The following PRMT1 variants were observed in gnomAD, a reference collection of about 807,000 sequenced individuals.
PRMT1 encodes the protein protein arginine methyltransferase 1.
In PRMT1, 5 loss-of-function variants were observed where a neutral mutation model predicts 47.4. The observed-to-expected ratio is 0.11, with a 90% CI of 0.06 to 0.22. The LOEUF (loss-of-function observed/expected upper bound fraction) is 0.22, where lower values mean the gene tolerates loss of function less well. Among genes scored for constraint, PRMT1 ranks in the 10% least tolerant of loss-of-function variants. The probability of loss-of-function intolerance (pLI) is 1.00; values close to 1 mark genes in which losing one functional copy is unlikely to be tolerated. For missense variants in PRMT1, 249 were observed against 518.4 expected (o/e 0.48, Z 5.05); for synonymous variants, 227 against 204.6 (o/e 1.11, Z -0.94).
rs2123009888 is a variant in PRMT1 at position 49,686,552 on chromosome 19, TGGGGTTGGGG to T, written c.911-48_911-39del. ...CATTCCGACAGAGGGAACGCAAGGG[TGGGGTTGGGG>T]GGGGCAGCAGGCCGAGGCCGGCTGA... On this transcript the variant is annotated intron_variant, in intron 9 of 10. Transcript: ENST00000454376. The T allele has an allele frequency of 8.3e-6, 4 of 484,686 alleles. No individual in the cohort carries two copies. The East Asian group carries it at 2.5e-4, about 30-fold the overall frequency. 30.0% of individuals were successfully genotyped at this position (484,686 alleles called of 1,614,324 possible).
At chr19:49,682,095 G>C (rs1300422062) in intron 4 of PRMT1, 30 bp downstream of exon 4, 2 of 1,613,596 alleles carry the variant, frequency 1.2e-6, no homozygotes, top group Non-Finnish European at 1.7e-6. Context: ...AGGCGGGGCC[G>C]GGCCTGAGGG....
At chr19:49,687,357 G>A (rs1351600568) in intron 10 of PRMT1, among the ~76,000 whole-genome samples, 1 of 152,016 alleles carries the variant, frequency 6.6e-6, no homozygotes, top group South Asian at 2.1e-4. Flanking sequence ...GCCTGGAGTC[G>A]CCGGGAGTGG....
chr19:49,682,698 C>T (rs1294114142), intron 5 of PRMT1, among the ~76,000 whole-genome samples: 1 of 151,878 alleles, frequency 6.6e-6, no homozygotes. Context: ...CTTACACCTG[C>T]TTGTCATGTC....
chr19:49,682,279 G>T lies in PRMT1; in HGVS notation c.412+20G>T, dbSNP rs201373984. The T allele has an allele frequency of 1.1e-4, 170 of 1,610,830 alleles. No homozygotes were observed. In the African/African-American group the frequency reaches 2.2e-3, roughly 21 times the overall value. On this transcript the variant is annotated intron_variant, in intron 5 of 10. Coordinates refer to ENST00000454376, the MANE Select transcript of PRMT1 (RefSeq NM_001536.6). ...ACCACGGTGAGCCCAGAAAGAGGAT[G>T]GGTTTGTGGGAGTGGAGGGGGTGAT...
At position 49,684,042 on chromosome 19, in the gene PRMT1, C is replaced by A. The variant is rs199946860; in HGVS notation, c.528C>A (p.Thr176=). The change falls in exon 6 of 11, where the codon ACC becomes ACA. Residue 176 remains threonine (T), a synonymous_variant. Coordinates refer to ENST00000454376, the MANE Select transcript of PRMT1 (RefSeq NM_001536.6). This position sits in a 1 kb window ranked among gnomAD's most constrained non-coding sequence, Gnocchi z 6.2. ...TCTTCTACGAGTCCATGCTCAACACCGTGCTCTATGCCCGGGACAAGTGGC... is the reference window on the plus strand; with the variant it reads ...TCTTCTACGAGTCCATGCTCAACACAGTGCTCTATGCCCGGGACAAGTGGC... The part of the protein sequence containing the change: ...YCLFYESMLN[T]VLYARDKWLA... 1 of 1,614,170 alleles carries A rather than the reference C, an allele frequency of 6.2e-7. No individual in the cohort carries two copies. The highest frequency in any genetic ancestry group is 8.5e-7 in the Non-Finnish European group (1 of 1,180,022).
At position 49,688,118 on chromosome 19, in the gene PRMT1, A is replaced by G. The variant is rs762176634; in HGVS notation, c.1033-44A>G. On this transcript the variant is annotated intron_variant, in intron 10 of 10. Coordinates refer to ENST00000454376, the MANE Select transcript of PRMT1 (RefSeq NM_001536.6). This position sits in a 1 kb window ranked among gnomAD's most constrained non-coding sequence, Gnocchi z 5.3. ...CTGCCTGCACCCGCCCCCCGCCACC[A>G]CCTCCTGGTGGGTTCCGCCCTCATG... 1 of 1,558,208 alleles carries G rather than the reference A, an allele frequency of 6.4e-7. No homozygotes were observed. Among genetic ancestry groups the G allele is most frequent in the South Asian group, 1.1e-5 (1 of 89,926 alleles).
chr19:49,677,584 G>A, intron 1 of PRMT1: 1 of 367,700 alleles, frequency 2.7e-6, no homozygotes, highest in East Asian at 3.9e-5. Flanking sequence ...AGGCCCCCAC[G>A]TGGCCGCTGC....
intron 1 of PRMT1, among the ~76,000 whole-genome samples, chr19:49,678,472 G>C (rs117146366): frequency 0.01 from 1,556 of 152,264 alleles, 14 homozygotes; most frequent in Non-Finnish European, 0.015. Flanking sequence ...AAATAGGCCC[G>C]AGTGGGAAAC....
rs1198501036 is a variant in PRMT1 at position 49,681,258 on chromosome 19, AGGCTGGTC to A, written c.193-651_193-644del. Among the ~76,000 whole-genome samples the A allele has an allele frequency of 1.3e-5, 2 of 152,134 alleles. No homozygotes were observed. Among genetic ancestry groups the A allele is most frequent in the African/African-American group, 4.8e-5 (2 of 41,428 alleles). ...TAGAGATAATCTTGCCTTGTTGCCC[AGGCTGGTC>A]TCAAACTCTTGGGATCAAGTGATCC... is the stretch of plus-strand genomic sequence containing the variant. On this transcript the variant is annotated intron_variant, in intron 3 of 10. Transcript: ENST00000454376. The surrounding 1 kb of genome is among the most constrained non-coding windows in gnomAD (Gnocchi z 4.4).
chr19:49,683,621 G>A (rs893569503), intron 5 of PRMT1: 5 of 238,530 alleles, frequency 2.1e-5, no homozygotes, highest in African/African-American at 1.2e-4. Context: ...CCGGGAGGCG[G>A]AGGTTGCAGT....
chr19:49,682,622 C>T (rs2082135505), intron 5 of PRMT1, among the ~76,000 whole-genome samples: 1 of 152,114 alleles, frequency 6.6e-6, no homozygotes, highest in South Asian at 2.1e-4. Flanking sequence ...TACGTAAATG[C>T]ATTTACATTC....
intron 5 of PRMT1, chr19:49,683,580 C>T (rs940572583): frequency 2.2e-4 from 43 of 198,002 alleles, no homozygotes; most frequent in African/African-American, 1.5e-4. Context: ...CCCAGCTACT[C>T]GGGAGGCTGA....
rs2082130057 is a variant in PRMT1, at chr19:49,682,270, A to T, written c.412+11A>T. 2 of 1,612,082 alleles carry T rather than the reference A, an allele frequency of 1.2e-6. No homozygotes were observed. Among genetic ancestry groups the T allele is most frequent in the East Asian group, 4.5e-5 (2 of 44,876 alleles). ...ACAAGTTAGACCACGGTGAGCCCAG[A>T]AAGAGGATGGGTTTGTGGGAGTGGA... is the stretch of plus-strand genomic sequence containing the variant. On this transcript the variant is annotated intron_variant, in intron 5 of 10. Transcript: ENST00000454376.
In PRMT1 at chr19:49,681,836, G is replaced by T. The variant is rs1228369624; in HGVS notation, c.193-74G>T. 2.0e-6 allele frequency: 3 copies of T among 1,501,432 alleles called. No individual in the cohort carries two copies. The highest frequency in any genetic ancestry group is 2.7e-6 in the Non-Finnish European group (3 of 1,112,298). 93.0% of individuals were successfully genotyped at this position (1,501,432 alleles called of 1,614,324 possible). ...AGAGGGCCGAGCTCTGGCCCTCCGAGCTCTCAGGACACGCTGTTCTCCAGC... is the reference window on the plus strand; with the variant it reads ...AGAGGGCCGAGCTCTGGCCCTCCGATCTCTCAGGACACGCTGTTCTCCAGC... On this transcript the variant is annotated intron_variant, in intron 3 of 10. Coordinates refer to ENST00000454376, the MANE Select transcript of PRMT1 (RefSeq NM_001536.6). This position sits in a 1 kb window ranked among gnomAD's most constrained non-coding sequence, Gnocchi z 4.4.
chr19:49,685,631 C>G lies in PRMT1; in HGVS notation c.760-462C>G. 3.9e-6 allele frequency: 4 copies of G among 1,013,184 alleles called. No individual in the cohort carries two copies. Among genetic ancestry groups the G allele is most frequent in the Non-Finnish European group, 4.7e-6 (4 of 847,906 alleles). The allele number at this position is 1,013,184 out of a possible 1,614,324, so 62.8% of individuals were successfully genotyped here. On this transcript the variant is annotated intron_variant, in intron 8 of 10. Transcript: ENST00000454376. The surrounding 1 kb of genome is among the most constrained non-coding windows in gnomAD (Gnocchi z 4.7). ...TGGGTGGCTGACCGGGGGATCCTGT[C>G]GGGGAGGAGTAAGTTGTTGAGTGGG... is the stretch of plus-strand genomic sequence containing the variant.
chr19:49,677,267 A>G (rs762385698), upstream of PRMT1: 23 of 1,419,064 alleles, frequency 1.6e-5, no homozygotes, highest in East Asian at 5.5e-5. Flanking sequence ...GAGGAGGAGT[A>G]GGTGCGGGTG....
Position 49,683,911 on chromosome 19 carries a change from C to T in PRMT1, c.413-16C>T, listed in dbSNP as rs376614639. On this transcript the variant is annotated splice_polypyrimidine_tract_variant and intron_variant, in intron 5 of 10. Transcript: ENST00000454376. ...GCCTCCCGGGGGCTGACGTGGCCAC[C>T]CTTGTCCGCCCGCAGTGGTGACCAT... 11 of 1,609,650 alleles carry T rather than the reference C, an allele frequency of 6.8e-6. No individual in the cohort carries two copies. The Admixed American group carries it at 1.5e-4, about 22-fold the overall frequency.
chr19:49,683,406 C>T (rs954872948), intron 5 of PRMT1, among the ~76,000 whole-genome samples: 3 of 151,780 alleles, frequency 2.0e-5, no homozygotes, highest in Admixed American at 6.6e-5. Context: ...AACAAAATCG[C>T]GGCCGGGCAC....
chr19:49,681,665 G>GA lies in PRMT1; in HGVS notation c.193-244dup, dbSNP rs202151896. Among the ~76,000 whole-genome samples, 491 of 152,256 alleles carry GA rather than the reference G, an allele frequency of 3.2e-3. 1 individual carries two copies. Among genetic ancestry groups the GA allele is most frequent in the African/African-American group, 0.011 (453 of 41,554 alleles). On this transcript the variant is annotated intron_variant, in intron 3 of 10. Transcript: ENST00000454376. This position sits in a 1 kb window ranked among gnomAD's most constrained non-coding sequence, Gnocchi z 4.4. Reference sequence around the variant, plus strand: ...AGGCAGGAGAATCACTTGAACCCAGGAGGCGGAGGTTGCAGTGAGCTGAGA... The same window carrying GA: ...AGGCAGGAGAATCACTTGAACCCAGGAAGGCGGAGGTTGCAGTGAGCTGAGA...
Sources: gnomAD v4.1 joint callset for allele counts (sites outside exome capture counted in the v4.1 genomes callset) on GRCh38, gnomAD v4.1.1 for gene constraint, Gnocchi (gnomAD v3.1) non-coding constraint, MANE v1.5 for transcripts, NCBI Gene and HGNC (gene_info 2026-07-23, HGNC 2026-07-21) for gene names.